Variants in MGAT5 observed in about 807,000 individuals in gnomAD.
MGAT5 encodes alpha-1,6-mannosylglycoprotein 6-beta-N-acetylglucosaminyltransferase, also known as alpha-1,6-mannosylglycoprotein 6-beta-N-acetylglucosaminyltransferase A.
A neutral mutation model predicts 94.3 loss-of-function variants in MGAT5; 30 were observed. The observed-to-expected ratio is 0.32, with a 90% CI of 0.24 to 0.43. The LOEUF (loss-of-function observed/expected upper bound fraction) is 0.43, where lower values mean the gene tolerates loss of function less well. Ranked by LOEUF, MGAT5 falls within the 20% of genes least tolerant of loss-of-function variation. The pLI is 1.00. For missense variants in MGAT5, 691 were observed against 905.5 expected, an observed-to-expected ratio of 0.76 and a Z score of 3.04; for synonymous variants, 310 against 322.9, an observed-to-expected ratio of 0.96 and a Z score of 0.43.
upstream of MGAT5, among the ~76,000 whole-genome samples, chr2:134,249,918 C>T (rs576464590): frequency 3.0e-4 from 45 of 152,372 alleles, no homozygotes; most frequent in Admixed American, 3.9e-4. Context: ...CACATCTTCA[C>T]CAACACTTGT....
intron 4 of MGAT5, among the ~76,000 whole-genome samples, chr2:134,322,496 G>A (rs529367150): frequency 6.6e-5 from 10 of 152,168 alleles, no homozygotes; most frequent in Non-Finnish European, 1.2e-4. Context: ...TTTATTTGTG[G>A]TGAGAGTATT....
intron 1 of MGAT5, among the ~76,000 whole-genome samples, chr2:134,258,041 G>A (rs1573631575): frequency 6.6e-6 from 1 of 152,044 alleles, no homozygotes; most frequent in Non-Finnish European, 1.5e-5. Context: ...TGGGTATACA[G>A]TAGGTATTTG....
intron 10 of MGAT5, among the ~76,000 whole-genome samples, chr2:134,379,092 C>T (rs1681378315): frequency 6.6e-6 from 1 of 152,194 alleles, no homozygotes; most frequent in Non-Finnish European, 1.5e-5. Context: ...GGCCTTCTGG[C>T]TTTTTCTCCC....
intron 4 of MGAT5, among the ~76,000 whole-genome samples, chr2:134,330,696 A>G (rs1687919291): frequency 6.6e-6 from 1 of 152,102 alleles, no homozygotes; most frequent in African/African-American, 2.4e-5. Flanking sequence ...TAGATTAGCA[A>G]AAAGAAAATG....
chr2:134,225,025 G>A (rs780870882), intron 1 of MGAT5, among the ~76,000 whole-genome samples: 16 of 140,830 alleles, frequency 1.1e-4, no homozygotes, highest in Non-Finnish European at 1.5e-4. Flanking sequence ...GCTTCAGTGA[G>A]CTATGATCTT....
rs112192883 is a variant in MGAT5, at chr2:134,441,925, C to T, written c.2027+10C>T. 8.5e-6 allele frequency: 10 copies of T among 1,171,180 alleles called. 1 individual carries two copies. The African/African-American group carries it at 1.1e-4, about 12-fold the overall frequency. 72.5% of individuals were successfully genotyped at this position (1,171,180 alleles called of 1,614,324 possible). A position where few individuals can be genotyped will look rare whatever the true frequency, so the allele number is the denominator to read the frequency against. ...ACAAGGACATGCTGAAGTAAGTGCCCTGGGGTGGGGGTGGGGACTCAGCCC... is the reference window on the plus strand; with the variant it reads ...ACAAGGACATGCTGAAGTAAGTGCCTTGGGGTGGGGGTGGGGACTCAGCCC... On this transcript the variant is annotated intron_variant, in intron 15 of 15. Transcript: ENST00000281923.
At chr2:134,300,219 A>G (rs1228642094) in intron 2 of MGAT5, among the ~76,000 whole-genome samples, 1 of 152,164 alleles carries the variant, frequency 6.6e-6, no homozygotes, top group Non-Finnish European at 1.5e-5. Context: ...CATTTAGACC[A>G]TCTTCTCTTT....
intron 1 of MGAT5, among the ~76,000 whole-genome samples, chr2:134,261,198 C>T (rs1242440274): frequency 1.3e-5 from 2 of 152,172 alleles, no homozygotes; most frequent in Non-Finnish European, 2.9e-5. Flanking sequence ...ATTGCACGCA[C>T]ATGTGTGAGG....
chr2:134,433,874 T>C (rs925721423), intron 14 of MGAT5, among the ~76,000 whole-genome samples: 1 of 151,480 alleles, frequency 6.6e-6, no homozygotes, highest in Non-Finnish European at 1.5e-5. Flanking sequence ...TTTCTTCCTC[T>C]AGATCCTGCC....
At chr2:134,288,531 AT>A in intron 2 of MGAT5, among the ~76,000 whole-genome samples, 1 of 152,092 alleles carries the variant, frequency 6.6e-6, no homozygotes, top group East Asian at 1.9e-4. Flanking sequence ...AAAAAAAAAA[AT>A]TCAACCCCTG....
chr2:134,130,357 G>C (rs773273674), intron 1 of MGAT5, among the ~76,000 whole-genome samples: 1 of 152,164 alleles, frequency 6.6e-6, no homozygotes, highest in Admixed American at 6.5e-5. Flanking sequence ...GCTCTGCTGC[G>C]CCGGGTCCCA....
At chr2:134,282,996 A>G (rs1409097088) in intron 2 of MGAT5, among the ~76,000 whole-genome samples, 2 of 152,118 alleles carry the variant, frequency 1.3e-5, no homozygotes, top group Non-Finnish European at 2.9e-5. Context: ...AAACCGAAAA[A>G]AAAAAAAAGG....
intron 1 of MGAT5, among the ~76,000 whole-genome samples, chr2:134,258,640 A>G (rs1298567457): frequency 2.0e-5 from 3 of 152,088 alleles, no homozygotes; most frequent in African/African-American, 7.2e-5. Flanking sequence ...GTGTGTCCCA[A>G]GTCTCTTTCA....
intron 11 of MGAT5, among the ~76,000 whole-genome samples, chr2:134,405,809 A>G (rs1444611999): frequency 2.0e-5 from 3 of 152,140 alleles, no homozygotes; most frequent in African/African-American, 7.2e-5. Flanking sequence ...ATCTTAGGAA[A>G]CCCTCTGCTC....
At chr2:134,341,523 T>A (rs1046714394) in intron 6 of MGAT5, 67 bp from the exon 7 acceptor site, 5 of 1,319,410 alleles carry the variant, frequency 3.8e-6, no homozygotes, top group Non-Finnish European at 4.1e-6. Context: ...CAATCATTTC[T>A]TGGCGCATTA....
chr2:134,350,849 A>G (rs747959700), intron 9 of MGAT5, among the ~76,000 whole-genome samples: 1 of 152,164 alleles, frequency 6.6e-6, no homozygotes, highest in Admixed American at 6.5e-5. Context: ...TTATCAGGAT[A>G]ATTTTAATCC....
intron 14 of MGAT5, among the ~76,000 whole-genome samples, chr2:134,436,560 C>T (rs58762937): frequency 0.023 from 3,565 of 152,216 alleles, 112 homozygotes; most frequent in African/African-American, 0.072. Flanking sequence ...ATCAGCCCTG[C>T]AGTGCAGCTT....
intron 1 of MGAT5, among the ~76,000 whole-genome samples, chr2:134,224,561 A>G (rs1680957175): frequency 6.6e-6 from 1 of 152,168 alleles, no homozygotes; most frequent in Admixed American, 6.5e-5. Context: ...AATGATAATG[A>G]GTGATCTGAA....
intron 1 of MGAT5, among the ~76,000 whole-genome samples, chr2:134,261,035 C>T (rs760689001): frequency 4.6e-5 from 7 of 152,030 alleles, no homozygotes; most frequent in East Asian, 1.9e-4. Context: ...TTCACAAGCA[C>T]GCCCAGGCCA....
Sources: gnomAD v4.1 joint callset for allele counts (sites outside exome capture counted in the v4.1 genomes callset) on GRCh38, gnomAD v4.1.1 for gene constraint, MANE v1.5 for transcripts, NCBI Gene and HGNC (gene_info 2026-07-23, HGNC 2026-07-21) for gene names.